Variants in ATL1 observed in about 807,000 individuals in gnomAD.
The protein encoded by ATL1 is atlastin GTPase 1.
A neutral mutation model predicts 75.5 loss-of-function variants in ATL1; 31 were observed. The ratio of observed to expected loss-of-function variants is 0.41; its 90% confidence interval spans 0.31 to 0.55. The LOEUF (loss-of-function observed/expected upper bound fraction) is 0.55. Ranked by LOEUF, ATL1 falls within the 20% of genes least tolerant of loss-of-function variation. ATL1 has a pLI of 0.27. For missense variants in ATL1, 405 were observed against 662.6 expected (o/e 0.61, Z 4.27); for synonymous variants, 226 against 233.3 (o/e 0.97, Z 0.28).
intron 1 of ATL1, among the ~76,000 whole-genome samples, chr14:50,563,303 C>T (rs541121560): frequency 1.6e-4 from 24 of 152,004 alleles, no homozygotes; most frequent in African/African-American, 5.8e-4. Context: ...GGGTTTTTTT[C>T]CTAATTTATT....
At position 50,632,327 on chromosome 14, in the gene ATL1, G is replaced by C; in HGVS notation, c.1665G>C (p.Lys555Asn). ...CGGAATCTACTGAACAATCAGAAAA[G>C]AAAAAAATGTAATGCAAATTTTAAG... ...PKSESTEQSE[K>N]KKM The change falls in exon 14 of 14, where the codon AAG (lysine) becomes AAC (asparagine). Residue 555 changes from lysine (K) to asparagine (N), a missense_variant. Coordinates refer to ENST00000358385, the MANE Select transcript of ATL1 (RefSeq NM_015915.5). 6.2e-7 allele frequency: 1 copy of C among 1,607,958 alleles called. No homozygotes were observed. The highest frequency in any genetic ancestry group is 8.5e-7 in the Non-Finnish European group (1 of 1,174,812).
upstream of ATL1, among the ~76,000 whole-genome samples, chr14:50,555,493 A>C (rs528413488): frequency 6.6e-6 from 1 of 152,234 alleles, no homozygotes; most frequent in African/African-American, 2.4e-5. Flanking sequence ...CGTGTTGCCC[A>C]GGCTGGTTTG....
At chr14:50,602,020 CT>C (rs1377230049) in intron 6 of ATL1, among the ~76,000 whole-genome samples, 1 of 152,144 alleles carries the variant, frequency 6.6e-6, no homozygotes, top group Non-Finnish European at 1.5e-5. Flanking sequence ...TGAGCCACAC[CT>C]GGCCCCACAT....
chr14:50,592,981 G>A (rs1301561003), intron 4 of ATL1, among the ~76,000 whole-genome samples: 2 of 136,340 alleles, frequency 1.5e-5, no homozygotes, highest in Non-Finnish European at 1.5e-5. Flanking sequence ...ATATATATAT[G>A]TGTGTACATA....
chr14:50,536,464 C>T (rs933090417), intron 1 of ATL1, among the ~76,000 whole-genome samples: 1 of 151,046 alleles, frequency 6.6e-6, no homozygotes, highest in Non-Finnish European at 1.5e-5. Flanking sequence ...AAAATTGTTA[C>T]CAGTAGAGTG....
chr14:50,560,589 A>C, intron 1 of ATL1: 1 of 468,106 alleles, frequency 2.1e-6, no homozygotes, highest in Non-Finnish European at 3.9e-6. Flanking sequence ...GACAGCACCC[A>C]CCAGGCGCCT....
chr14:50,587,776 C>A, intron 1 of ATL1, 55 bp from the exon 2 acceptor site: 1 of 1,612,182 alleles, frequency 6.2e-7, no homozygotes, highest in Non-Finnish European at 8.5e-7. Flanking sequence ...GGTACATATA[C>A]ATTTCTTGGC....
At chr14:50,570,371 A>G (rs1305097881) in intron 1 of ATL1, among the ~76,000 whole-genome samples, 2 of 151,450 alleles carry the variant, frequency 1.3e-5, no homozygotes, top group Non-Finnish European at 2.9e-5. Flanking sequence ...TTATATTTTT[A>G]AGCTTCTTTT....
intron 11 of ATL1, among the ~76,000 whole-genome samples, chr14:50,627,051 C>CT (rs2039528000): frequency 6.6e-6 from 1 of 152,172 alleles, no homozygotes; most frequent in Admixed American, 6.5e-5. Context: ...ACAGAGAAAT[C>CT]TTTCATGAAA....
At chr14:50,616,844 G>A (rs1433979234) in intron 8 of ATL1, among the ~76,000 whole-genome samples, 1 of 152,146 alleles carries the variant, frequency 6.6e-6, no homozygotes, top group Non-Finnish European at 1.5e-5. Context: ...CTTTGCCTCC[G>A]TGTTTCTTTG....
intron 2 of ATL1, among the ~76,000 whole-genome samples, chr14:50,589,220 C>T (rs987159183): frequency 1.3e-4 from 18 of 139,666 alleles, no homozygotes; most frequent in Middle Eastern, 3.9e-3. Flanking sequence ...AATGCAGTGG[C>T]GCAATCTTGG....
At chr14:50,632,184 G>A in intron 13 of ATL1, 45 bp from the exon 14 acceptor site, 1 of 1,414,392 alleles carries the variant, frequency 7.1e-7, no homozygotes, top group Non-Finnish European at 9.8e-7. Flanking sequence ...TTTTACATCT[G>A]TGTGTTTAAT....
At chr14:50,567,785 G>A (rs1156233990) in intron 1 of ATL1, among the ~76,000 whole-genome samples, 1 of 152,136 alleles carries the variant, frequency 6.6e-6, no homozygotes, top group Non-Finnish European at 1.5e-5. Flanking sequence ...ACAAATTTGT[G>A]AATTTTCCAG....
intron 13 of ATL1, chr14:50,630,888 T>A (rs917602888): frequency 6.7e-6 from 3 of 449,286 alleles, no homozygotes; most frequent in Non-Finnish European, 1.3e-5. Context: ...AGAATCAGAA[T>A]ATAATGGAAA....
chr14:50,572,432 T>C (rs1043614890), intron 1 of ATL1, among the ~76,000 whole-genome samples: 1 of 152,132 alleles, frequency 6.6e-6, no homozygotes, highest in Non-Finnish European at 1.5e-5. Context: ...GAGTCAGTTT[T>C]AGTAATTTAC....
chr14:50,602,205 T>C (rs1158736280), intron 6 of ATL1, among the ~76,000 whole-genome samples: 1 of 152,202 alleles, frequency 6.6e-6, no homozygotes, highest in African/African-American at 2.4e-5. Context: ...GCCAGTTACT[T>C]GTTTCCCCAG....
chr14:50,602,222 C>T (rs1297160663), intron 6 of ATL1, among the ~76,000 whole-genome samples: 1 of 152,156 alleles, frequency 6.6e-6, no homozygotes, highest in African/African-American at 2.4e-5. Flanking sequence ...CCAGGAAAGG[C>T]TCATTTTCCA....
At chr14:50,562,545 T>C (rs1182811263) in intron 1 of ATL1, among the ~76,000 whole-genome samples, 3 of 152,224 alleles carry the variant, frequency 2.0e-5, no homozygotes, top group East Asian at 3.8e-4. Context: ...AAGCAGATGG[T>C]CTTTAGGTGT....
rs184398691 is a variant in ATL1 at position 50,629,358 on chromosome 14, G to A, written c.1552-637G>A. Among the ~76,000 whole-genome samples the A allele has an allele frequency of 3.3e-5, 5 of 152,226 alleles. No individual in the cohort carries two copies. The East Asian group carries it at 9.7e-4, about 29-fold the overall frequency. ...GCACTTTCCGAGGCCAAAGTGGGCG[G>A]ATCATCTGAGGTCGGGAGTTTGAGA... is the stretch of plus-strand genomic sequence containing the variant. On this transcript the variant is annotated intron_variant, in intron 12 of 13. Transcript: ENST00000358385.
Sources: gnomAD v4.1 joint callset for allele counts (sites outside exome capture counted in the v4.1 genomes callset) on GRCh38, gnomAD v4.1.1 for gene constraint, MANE v1.5 for transcripts, NCBI Gene and HGNC (gene_info 2026-07-23, HGNC 2026-07-21) for gene names.